SLC25A13: variants seen among roughly 807,000 people sequenced by gnomAD.
The protein encoded by SLC25A13 is solute carrier family 25 member 13, also known as electrogenic aspartate/glutamate antiporter SLC25A13, mitochondrial.
Under a neutral mutation model 85.5 loss-of-function variants are expected in SLC25A13, and 70 were observed. The ratio of observed to expected loss-of-function variants is 0.82; its 90% CI spans 0.68 to 1.00. SLC25A13 has a LOEUF of 1.00. Ranked by LOEUF, SLC25A13 falls within the 50% of genes least tolerant of loss-of-function variation. The pLI is 0.00. For synonymous variants in SLC25A13, 259 were observed against 288.7 expected (o/e 0.90, Z 1.04); for missense variants, 765 against 819.8 (o/e 0.93, Z 0.82).
intron 4 of SLC25A13, among the ~76,000 whole-genome samples, chr7:96,214,295 C>T (rs1422376415): frequency 6.6e-6 from 1 of 152,044 alleles, no homozygotes; most frequent in Non-Finnish European, 1.5e-5. Flanking sequence ...ATCTTATATA[C>T]AGAAAAGTCC....
intron 4 of SLC25A13, 49 bp from the exon 5 acceptor site, chr7:96,209,026 T>G: frequency 6.3e-7 from 1 of 1,592,292 alleles, no homozygotes; most frequent in Non-Finnish European, 8.6e-7. Context: ...ATGAAGTTCT[T>G]TCTGATAAAA....
chr7:96,137,645 TTTA>T lies in SLC25A13; in HGVS notation c.1453-5767_1453-5765del, dbSNP rs539143155. Among the ~76,000 whole-genome samples the T allele has an allele frequency of 3.7e-3, 559 of 152,274 alleles. 3 individuals carry two copies. The highest frequency in any genetic ancestry group is 0.013 in the African/African-American group (540 of 41,550). ...ACATGTTCCACCTTTTCTTTATTTCTTTATTATTATTATTTTTTGAGACAGTGC... is the reference window on the plus strand; with the variant it reads ...ACATGTTCCACCTTTTCTTTATTTCTTTATTATTATTTTTTGAGACAGTGC... On this transcript the variant is annotated intron_variant, in intron 14 of 17. Transcript: ENST00000265631.
chr7:96,286,758 G>A (rs1798905532), intron 2 of SLC25A13, among the ~76,000 whole-genome samples: 1 of 152,138 alleles, frequency 6.6e-6, no homozygotes, highest in African/African-American at 2.4e-5. Context: ...AAAAAACAGT[G>A]GAACTGATTC....
At chr7:96,216,150 T>C (rs1795892740) in intron 4 of SLC25A13, among the ~76,000 whole-genome samples, 1 of 147,644 alleles carries the variant, frequency 6.8e-6, no homozygotes, top group Admixed American at 6.8e-5. Context: ...AGAGAGACTG[T>C]CTCAAAAGAA....
intron 11 of SLC25A13, among the ~76,000 whole-genome samples, chr7:96,177,410 T>A (rs188758878): frequency 6.6e-6 from 1 of 152,344 alleles, no homozygotes; most frequent in Non-Finnish European, 1.5e-5. Flanking sequence ...ACAAGCAACT[T>A]TTCACAATGT....
At chr7:96,127,149 T>C (rs1791762962) in intron 15 of SLC25A13, among the ~76,000 whole-genome samples, 2 of 152,366 alleles carry the variant, frequency 1.3e-5, no homozygotes, top group African/African-American at 2.4e-5. Flanking sequence ...TCTGGTATGA[T>C]AGAGCATTCT....
intron 5 of SLC25A13, among the ~76,000 whole-genome samples, chr7:96,193,928 G>T (rs924720753): frequency 3.9e-5 from 6 of 152,184 alleles, no homozygotes; most frequent in Non-Finnish European, 8.8e-5. Flanking sequence ...TAATTAAAAT[G>T]ATCTGAAGAC....
At chr7:96,174,696 A>C (rs1471882468) in intron 11 of SLC25A13, among the ~76,000 whole-genome samples, 1 of 152,342 alleles carries the variant, frequency 6.6e-6, no homozygotes, top group East Asian at 1.9e-4. Flanking sequence ...CTATCCTGTG[A>C]CAGTCTTTTT....
chr7:96,204,810 C>T (rs1166061095), intron 5 of SLC25A13, among the ~76,000 whole-genome samples: 1 of 152,196 alleles, frequency 6.6e-6, no homozygotes, highest in East Asian at 1.9e-4. Flanking sequence ...TATTGACAAA[C>T]CCGACATGCT....
intron 2 of SLC25A13, among the ~76,000 whole-genome samples, chr7:96,278,408 T>G (rs1255958988): frequency 1.3e-5 from 2 of 152,210 alleles, no homozygotes; most frequent in Non-Finnish European, 2.9e-5. Context: ...TTTTTAAAAG[T>G]CACTTGTTAT....
At chr7:96,229,638 G>A (rs1340142759) in intron 4 of SLC25A13, among the ~76,000 whole-genome samples, 2 of 152,158 alleles carry the variant, frequency 1.3e-5, no homozygotes, top group East Asian at 1.9e-4. Context: ...TGAGGCCAGC[G>A]ACACCACGAA....
At chr7:96,190,427 T>A (rs1794802570) in intron 7 of SLC25A13, among the ~76,000 whole-genome samples, 1 of 151,696 alleles carries the variant, frequency 6.6e-6, no homozygotes, top group African/African-American at 2.4e-5. Context: ...ATGCTGATAA[T>A]ATCCTGTCCC....
intron 3 of SLC25A13, among the ~76,000 whole-genome samples, chr7:96,273,084 C>T (rs1396325414): frequency 5.9e-5 from 9 of 152,102 alleles, no homozygotes; most frequent in Admixed American, 5.9e-4. Flanking sequence ...GACACGATCC[C>T]TCCTGAGGAG....
chr7:96,304,464 T>C (rs576754273), intron 1 of SLC25A13, among the ~76,000 whole-genome samples: 8 of 152,374 alleles, frequency 5.3e-5, no homozygotes, highest in African/African-American at 1.7e-4. Context: ...AAAATTCTGA[T>C]ATTAAGAGGC....
At chr7:96,203,355 A>G (rs2116697042) in intron 5 of SLC25A13, among the ~76,000 whole-genome samples, 1 of 152,302 alleles carries the variant, frequency 6.6e-6, no homozygotes, top group Non-Finnish European at 1.5e-5. Context: ...GGGACTCTGC[A>G]TTTCTAAATA....
chr7:96,297,337 TTC>T (rs1028419827), intron 1 of SLC25A13, among the ~76,000 whole-genome samples: 1 of 152,024 alleles, frequency 6.6e-6, no homozygotes, highest in African/African-American at 2.4e-5. Context: ...GAGAACATAT[TTC>T]TTTTTTTTTT....
At chr7:96,269,506 G>T (rs1798154920) in intron 3 of SLC25A13, among the ~76,000 whole-genome samples, 1 of 152,124 alleles carries the variant, frequency 6.6e-6, no homozygotes, top group South Asian at 2.1e-4. Context: ...TTTTTTTCCG[G>T]ATCAGGCTGG....
intron 11 of SLC25A13, among the ~76,000 whole-genome samples, chr7:96,174,074 G>A (rs1794115858): frequency 6.6e-6 from 1 of 152,186 alleles, no homozygotes; most frequent in Admixed American, 6.5e-5. Context: ...GGAGCAAAAG[G>A]AATAGAGATT....
At chr7:96,152,720 A>C (rs1346729329) in intron 13 of SLC25A13, among the ~76,000 whole-genome samples, 1 of 152,186 alleles carries the variant, frequency 6.6e-6, no homozygotes, top group African/African-American at 2.4e-5. Context: ...AGAAAAATGG[A>C]AAGTGGCGAG....
Sources: gnomAD v4.1 joint callset for allele counts (sites outside exome capture counted in the v4.1 genomes callset) on GRCh38, gnomAD v4.1.1 for gene constraint, MANE v1.5 for transcripts, NCBI Gene and HGNC (gene_info 2026-07-23, HGNC 2026-07-21) for gene names.